Variants in SLCO3A1 observed in about 807,000 individuals in gnomAD.
SLCO3A1 encodes the protein solute carrier organic anion transporter family member 3A1, also known as PGE1 transporter.
Under a neutral mutation model 63.1 loss-of-function variants are expected in SLCO3A1, and 27 were observed. The observed-to-expected ratio is 0.43, with a 90% CI of 0.32 to 0.59. SLCO3A1 has a LOEUF of 0.59. Among genes scored for constraint, SLCO3A1 ranks in the 20% least tolerant of loss-of-function variants. The pLI, the probability that SLCO3A1 is intolerant of heterozygous loss-of-function variation, is 0.09. For synonymous variants in SLCO3A1, 473 were observed against 409.9 expected (o/e 1.15, Z -1.86); for missense variants, 773 against 945.8 (o/e 0.82, Z 2.40).
intron 2 of SLCO3A1, among the ~76,000 whole-genome samples, chr15:92,092,506 C>T (rs947492686): frequency 2.0e-5 from 3 of 152,096 alleles, no homozygotes; most frequent in South Asian, 2.1e-4. Context: ...TTTGCTGAGC[C>T]GTCTCTAGAG....
rs80125612 is a variant in SLCO3A1, at chr15:91,961,039, G to T, written c.646+44581G>T. Reference sequence around the variant, plus strand: ...CTTTATTTTACTCCGCTCTCAGGACGTTACTCTCTCCCTTGAGTGGCCCTT... The same window carrying T: ...CTTTATTTTACTCCGCTCTCAGGACTTTACTCTCTCCCTTGAGTGGCCCTT... On this transcript the variant is annotated intron_variant, in intron 2 of 9. Coordinates refer to ENST00000318445, the MANE Select transcript of SLCO3A1 (RefSeq NM_013272.4). Among the ~76,000 whole-genome samples the T allele has an allele frequency of 7.7e-3, 1,170 of 152,280 alleles. 19 individuals are homozygous for T. The highest frequency in any genetic ancestry group is 0.027 in the African/African-American group (1,105 of 41,556).
intron 2 of SLCO3A1, among the ~76,000 whole-genome samples, chr15:91,994,963 G>C (rs2046172825): frequency 6.6e-6 from 1 of 152,158 alleles, no homozygotes; most frequent in Non-Finnish European, 1.5e-5. Flanking sequence ...CTCCTGTCTG[G>C]GACCCTGCCC....
chr15:92,024,762 A>C (rs1351047086), intron 2 of SLCO3A1, among the ~76,000 whole-genome samples: 1 of 152,252 alleles, frequency 6.6e-6, no homozygotes, highest in Non-Finnish European at 1.5e-5. Flanking sequence ...AAAGTAGGCC[A>C]CGGAAAACCT....
intron 4 of SLCO3A1, among the ~76,000 whole-genome samples, chr15:92,111,258 T>A (rs1393081956): frequency 2.0e-5 from 3 of 152,166 alleles, no homozygotes; most frequent in Non-Finnish European, 2.9e-5. Context: ...GCCTCCTCCA[T>A]CCATTACCAT....
rs905937842 is a variant in SLCO3A1 at position 91,856,173 on chromosome 15, G to A, written c.180+2085G>A. 5.3e-5 allele frequency among the ~76,000 whole-genome samples: 8 copies of A among 152,084 alleles called. No homozygotes were observed. The East Asian group carries it at 5.8e-4, about 11-fold the overall frequency. ...GGAGGAATTCGGTCCACCTGGTGGC[G>A]GCATCCTGGCACTTCTAGCCTTCGC... On this transcript the variant is annotated intron_variant, in intron 1 of 9. Transcript: ENST00000318445. The surrounding 1 kb of genome is among the most constrained non-coding windows in gnomAD (Gnocchi z 4.9).
intron 4 of SLCO3A1, among the ~76,000 whole-genome samples, chr15:92,118,198 T>C (rs2047818910): frequency 1.3e-5 from 2 of 152,218 alleles, no homozygotes; most frequent in South Asian, 4.1e-4. Flanking sequence ...GTGTTATTTT[T>C]ATTTGTGCAT....
chr15:92,103,506 C>G (rs533092710), intron 3 of SLCO3A1, among the ~76,000 whole-genome samples: 1 of 141,374 alleles, frequency 7.1e-6, no homozygotes, highest in Non-Finnish European at 1.5e-5. Flanking sequence ...AAACCACAGG[C>G]CACCAACAAA....
intron 2 of SLCO3A1, among the ~76,000 whole-genome samples, chr15:92,091,264 A>G (rs2047471665): frequency 6.6e-6 from 1 of 152,110 alleles, no homozygotes; most frequent in South Asian, 2.1e-4. Context: ...CTCCCTGACT[A>G]GGGAATCCCA....
In SLCO3A1 at chr15:92,164,686, T is replaced by C. The variant is rs1227785809; in HGVS notation, c.*1551T>C. ...CCAATGCGTGAAAATGTCTGTGACA[T>C]TTTCAGTGTTAGTCTTGAACTAAGG... On this transcript the variant is annotated 3_prime_UTR_variant, in exon 10 of 10. Transcript: ENST00000318445. 2 of 985,252 alleles carry C rather than the reference T, an allele frequency of 2.0e-6. No homozygotes were observed. Among genetic ancestry groups the C allele is most frequent in the East Asian group, 1.1e-4 (1 of 8,818 alleles). The allele number at this position is 985,252 out of a possible 1,614,324, so 61.0% of individuals were successfully genotyped here. A position where few individuals can be genotyped will look rare whatever the true frequency, so the allele number is the denominator to read the frequency against.
intron 2 of SLCO3A1, among the ~76,000 whole-genome samples, chr15:92,084,020 C>T (rs75312640): frequency 0.025 from 3,756 of 152,234 alleles, 69 homozygotes; most frequent in Admixed American, 0.05. Flanking sequence ...TGCCTCTCTA[C>T]GCTTGGTTTA....
chr15:92,120,665 G>A (rs2047852835), intron 5 of SLCO3A1, 36 bp downstream of exon 5: 3 of 1,600,430 alleles, frequency 1.9e-6, no homozygotes, highest in Non-Finnish European at 1.7e-6. Flanking sequence ...GAGGGTCGGG[G>A]GAGGGTGTCC....
intron 2 of SLCO3A1, among the ~76,000 whole-genome samples, chr15:91,931,817 A>G (rs894950922): frequency 6.6e-6 from 1 of 151,710 alleles, no homozygotes; most frequent in Non-Finnish European, 1.5e-5. Context: ...ACACACACAC[A>G]CACACTCACA....
chr15:92,054,612 C>T (rs1199804433), intron 2 of SLCO3A1, among the ~76,000 whole-genome samples: 2 of 152,096 alleles, frequency 1.3e-5, no homozygotes, highest in African/African-American at 4.8e-5. Context: ...CCACCCACCC[C>T]CGCCCACAGG....
chr15:91,873,667 G>T (rs1420608018), intron 1 of SLCO3A1, among the ~76,000 whole-genome samples: 1 of 151,780 alleles, frequency 6.6e-6, no homozygotes, highest in Non-Finnish European at 1.5e-5. Context: ...CATAAACTAT[G>T]GTCATTTCCC....
intron 1 of SLCO3A1, among the ~76,000 whole-genome samples, chr15:91,867,201 G>A (rs1897186774): frequency 6.6e-6 from 1 of 152,234 alleles, no homozygotes; most frequent in Admixed American, 6.5e-5. Flanking sequence ...AAGTGGTGTG[G>A]TGAAATGTGG....
intron 4 of SLCO3A1, among the ~76,000 whole-genome samples, chr15:92,118,018 A>T (rs1035500367): frequency 1.3e-5 from 2 of 152,238 alleles, no homozygotes; most frequent in Admixed American, 1.3e-4. Flanking sequence ...ATTTGAAATG[A>T]TATTTCTAAA....
rs577552299 is a variant in SLCO3A1 at position 92,075,963 on chromosome 15, A to C, written c.647-18918A>C. Among the ~76,000 whole-genome samples the C allele has an allele frequency of 2.0e-5, 3 of 152,360 alleles. No individual in the cohort carries two copies. The South Asian group carries it at 6.2e-4, about 32-fold the overall frequency. ...CATCCTGTTCCTATCAGAAAACTGC[A>C]GAGGAAATGAAGTTGGTCTGGCGTG... On this transcript the variant is annotated intron_variant, in intron 2 of 9. Transcript: ENST00000318445.
At chr15:91,878,085 CTTTTTTTTTTT>C (rs757889262) in intron 1 of SLCO3A1, among the ~76,000 whole-genome samples, 1 of 119,854 alleles carries the variant, frequency 8.3e-6, no homozygotes, top group Admixed American at 8.9e-5. Flanking sequence ...GGATTTAGGC[CTTTTTTTTTTT>C]TTTTTTTTTT....
chr15:91,923,788 C>T (rs984987722), intron 2 of SLCO3A1, among the ~76,000 whole-genome samples: 6 of 152,130 alleles, frequency 3.9e-5, no homozygotes, highest in South Asian at 2.1e-4. Flanking sequence ...AGTTAAAAAC[C>T]ATACTATAAA....
Sources: allele counts gnomAD v4.1 joint callset (sites outside exome capture counted in the v4.1 genomes callset), GRCh38; gene constraint gnomAD v4.1.1; non-coding constraint Gnocchi (gnomAD v3.1); transcripts MANE v1.5; gene names NCBI Gene and HGNC (gene_info 2026-07-23, HGNC 2026-07-21).